Variants in CEP164 observed in about 807,000 individuals in gnomAD.
CEP164 encodes the protein centrosomal protein of 164 kDa.
In CEP164, 162 loss-of-function variants were observed where a neutral mutation model predicts 182.7. The ratio of observed to expected loss-of-function variants is 0.89; its 90% CI spans 0.78 to 1.01. The LOEUF (loss-of-function observed/expected upper bound fraction) is 1.01, where lower values mean the gene tolerates loss of function less well. Among genes scored for constraint, CEP164 ranks in the 50% least tolerant of loss-of-function variants. CEP164 has a pLI of 0.00. For missense variants in CEP164, 1,735 were observed against 1,790.4 expected (o/e 0.97, Z 0.56); for synonymous variants, 661 against 690.0 (o/e 0.96, Z 0.66).
chr11:117,406,190 A>T (rs1029290795), intron 27 of CEP164, among the ~76,000 whole-genome samples: 1 of 152,262 alleles, frequency 6.6e-6, no homozygotes, highest in African/African-American at 2.4e-5. Flanking sequence ...TTGAACTTAC[A>T]GTTCCACTGG....
At chr11:117,391,661 C>T (rs2044672402) in intron 17 of CEP164, among the ~76,000 whole-genome samples, 1 of 152,294 alleles carries the variant, frequency 6.6e-6, no homozygotes, top group East Asian at 1.9e-4. Context: ...CCACTTTTCT[C>T]TCCTTTCTTA....
intron 27 of CEP164, among the ~76,000 whole-genome samples, chr11:117,405,085 G>T (rs1364079217): frequency 6.6e-6 from 1 of 152,214 alleles, no homozygotes; most frequent in East Asian, 1.9e-4. Flanking sequence ...ATCTTAGCTT[G>T]CTGGGCTCTG....
chr11:117,411,372 TTAA>T lies in CEP164; in HGVS notation c.4164-421_4164-419del, dbSNP rs1351740635. ...GACGGGCAATTATTTAAACCTGTTA[TTAA>T]TTTTCCATTCATCTCATTCCTTGCC... is the stretch of plus-strand genomic sequence containing the variant. On this transcript the variant is annotated intron_variant, in intron 31 of 32. Coordinates refer to ENST00000278935, the MANE Select transcript of CEP164 (RefSeq NM_014956.5). The surrounding 1 kb of genome is among the most constrained non-coding windows in gnomAD (Gnocchi z 4.4). 1 of 245,564 alleles carries T rather than the reference TTAA, an allele frequency of 4.1e-6. No homozygotes were observed. Among genetic ancestry groups the T allele is most frequent in the African/African-American group, 2.2e-5 (1 of 45,436 alleles). 15.2% of individuals were successfully genotyped at this position (245,564 alleles called of 1,614,324 possible).
chr11:117,334,335 A>G (rs1469238512), intron 1 of CEP164, among the ~76,000 whole-genome samples: 1 of 152,122 alleles, frequency 6.6e-6, no homozygotes, highest in African/African-American at 2.4e-5. Context: ...GGCCTTTTGG[A>G]CCTGTCCTTG....
rs34338708 is a variant in CEP164, at chr11:117,371,795, C to CTT, written c.1152+343_1152+344dup. ...TCCTGCTTCCTACCTCCCTCTTGTA[C>CTT]TTTTTTTTTTTTTTTCTGTTGTTTT... On this transcript the variant is annotated intron_variant, in intron 9 of 32. Coordinates refer to ENST00000278935, the MANE Select transcript of CEP164 (RefSeq NM_014956.5). Among the ~76,000 whole-genome samples the CTT allele has an allele frequency of 6.2e-3, 857 of 138,324 alleles. 17 individuals carry two copies. Among genetic ancestry groups the CTT allele is most frequent in the Middle Eastern group, 0.019 (5 of 270 alleles). 90.7% of individuals were successfully genotyped at this position (138,324 alleles called of 152,430 possible).
rs143919649 is a variant in CEP164, at chr11:117,412,115, C to G, written c.4330C>G (p.Leu1444Val). Residue 1444 changes from leucine (L) to valine (V), a missense_variant, in exon 33 of 33, where the codon CTC becomes GTC. Transcript: ENST00000278935. Reference sequence around the variant, plus strand: ...ACCCAAGCCAAAAGCTACTTTGAGCCTCCTGCAGCTGGGCCTTGATGAGCA... The same window carrying G: ...ACCCAAGCCAAAAGCTACTTTGAGCGTCCTGCAGCTGGGCCTTGATGAGCA... The part of the protein sequence containing the change: ...STPKPKATLS[L>V]LQLGLDEHNR... 168 of 1,614,092 alleles carry G rather than the reference C, an allele frequency of 1.0e-4. No homozygotes were observed. The highest frequency in any genetic ancestry group is 1.2e-4 in the Non-Finnish European group (147 of 1,180,058).
intron 11 of CEP164, among the ~76,000 whole-genome samples, chr11:117,377,251 A>G (rs1165592546): frequency 2.0e-5 from 3 of 152,188 alleles, no homozygotes; most frequent in East Asian, 1.9e-4. Flanking sequence ...GATCCCTTGC[A>G]TGCACAGATC....
intron 27 of CEP164, among the ~76,000 whole-genome samples, chr11:117,407,457 C>CAAAAAAAAAA (rs1232486465): frequency 1.4e-5 from 1 of 69,008 alleles, no homozygotes; most frequent in African/African-American, 5.2e-5. Context: ...TCTGTCTCTA[C>CAAAAAAAAAA]AAAAAAAAAA....
chr11:117,368,819 A>C (rs370010167), intron 8 of CEP164, among the ~76,000 whole-genome samples: 12 of 152,328 alleles, frequency 7.9e-5, no homozygotes, highest in Non-Finnish European at 1.0e-4. Context: ...CCCTTCTCTT[A>C]GCCCAGTGGT....
At chr11:117,397,433 C>A in intron 27 of CEP164, 120 bp downstream of exon 27, 1 of 888,912 alleles carries the variant, frequency 1.1e-6, no homozygotes, top group Non-Finnish European at 1.7e-6. Context: ...GAGTGGCCAC[C>A]TTGGCCCTGG....
intron 5 of CEP164, chr11:117,355,076 C>T (rs888640441): frequency 5.4e-6 from 7 of 1,289,722 alleles, no homozygotes; most frequent in Non-Finnish European, 7.1e-6. Flanking sequence ...AGGAAAGAGC[C>T]CAGGCATGCT....
At chr11:117,405,745 A>G (rs1298692372) in intron 27 of CEP164, among the ~76,000 whole-genome samples, 1 of 152,164 alleles carries the variant, frequency 6.6e-6, no homozygotes, top group Non-Finnish European at 1.5e-5. Flanking sequence ...CTGCTTAGAA[A>G]TTTCTTCTGC....
At chr11:117,325,437 G>A (rs188711080), upstream of CEP164, among the ~76,000 whole-genome samples, 279 of 152,048 alleles carry the variant, frequency 1.8e-3, no homozygotes, top group Middle Eastern at 3.4e-3. Flanking sequence ...ACAGGGTGGA[G>A]TGCAATGGCG....
chr11:117,381,336 G>A (rs2136130951), intron 12 of CEP164, among the ~76,000 whole-genome samples: 1 of 152,272 alleles, frequency 6.6e-6, no homozygotes, highest in African/African-American at 2.4e-5. Context: ...CTTGAGTCTG[G>A]CTTCTCTTTT....
At position 117,395,649 on chromosome 11, in the gene CEP164, G is replaced by A. The variant is rs1275545160; in HGVS notation, c.3016G>A (p.Ala1006Thr). 1 of 1,613,792 alleles carries A rather than the reference G, an allele frequency of 6.2e-7. No individual in the cohort carries two copies. The highest frequency in any genetic ancestry group is 8.5e-7 in the Non-Finnish European group (1 of 1,180,030). Reference protein sequence around the residue: ...QLREILDELQARKLKLESQVD... With the variant: ...QLREILDELQTRKLKLESQVD... ...CCGAGAAATTCTTGATGAGCTGCAG[G>A]CCCGCAAGCTGAAGCTGGAGTCCCA... Residue 1006 changes from alanine (A) to threonine (T), a missense_variant, in exon 24 of 33, where the codon GCC becomes ACC. Coordinates refer to ENST00000278935, the MANE Select transcript of CEP164 (RefSeq NM_014956.5).
At chr11:117,402,410 G>T (rs966987002) in intron 27 of CEP164, among the ~76,000 whole-genome samples, 4 of 151,574 alleles carry the variant, frequency 2.6e-5, no homozygotes, top group Admixed American at 2.0e-4. Context: ...TAGTAGAGGC[G>T]GGGTTTCACC....
At chr11:117,332,603 T>C (rs1355296248) in intron 1 of CEP164, among the ~76,000 whole-genome samples, 1 of 152,012 alleles carries the variant, frequency 6.6e-6, no homozygotes, top group African/African-American at 2.4e-5. Flanking sequence ...GAAAAAATAA[T>C]AATATTGAGA....
In CEP164 at chr11:117,370,331, A is replaced by G. The variant is rs562909572; in HGVS notation, c.766-749A>G. Among the ~76,000 whole-genome samples, 14 of 152,316 alleles carry G rather than the reference A, an allele frequency of 9.2e-5. No individual in the cohort carries two copies. In the South Asian group the frequency reaches 2.3e-3, roughly 25 times the overall value. ...GTTTTTCCCCTGTTGCCTATTAAACATGAAAAATAGAAAATTGAGACTTTG... is the reference window on the plus strand; with the variant it reads ...GTTTTTCCCCTGTTGCCTATTAAACGTGAAAAATAGAAAATTGAGACTTTG... On this transcript the variant is annotated intron_variant, in intron 8 of 32. Transcript: ENST00000278935.
At chr11:117,332,716 C>T (rs959661650) in intron 1 of CEP164, among the ~76,000 whole-genome samples, 7 of 152,158 alleles carry the variant, frequency 4.6e-5, no homozygotes, top group Admixed American at 1.3e-4. Context: ...CTGGAGGAAA[C>T]GTGTGAGCCA....
Sources: gnomAD v4.1 joint callset for allele counts (sites outside exome capture counted in the v4.1 genomes callset) on GRCh38, gnomAD v4.1.1 for gene constraint, Gnocchi (gnomAD v3.1) non-coding constraint, MANE v1.5 for transcripts, NCBI Gene and HGNC (gene_info 2026-07-23, HGNC 2026-07-21) for gene names.